The following DLC1 variants were observed in gnomAD, a reference collection of about 807,000 sequenced individuals.
DLC1 encodes rho GTPase-activating protein 7.
A neutral mutation model predicts 140.3 loss-of-function variants in DLC1; 54 were observed. That is an observed-to-expected ratio of 0.38 (90% confidence interval 0.31 to 0.48). The LOEUF (loss-of-function observed/expected upper bound fraction) is 0.48. DLC1 is among the 20% of genes least tolerant of loss of function. The probability of loss-of-function intolerance (pLI) is 0.96; values close to 1 mark genes in which losing one functional copy is unlikely to be tolerated. For missense variants in DLC1, 2,536 were observed against 1,907.0 expected (o/e 1.33, Z -6.14); for synonymous variants, 986 against 728.1 (o/e 1.35, Z -5.70).
chr8:13,315,789 C>A (rs910377987), intron 4 of DLC1, among the ~76,000 whole-genome samples: 4 of 152,156 alleles, frequency 2.6e-5, no homozygotes. Flanking sequence ...TCAGGTTTGC[C>A]TGGGATAATC....
chr8:13,330,147 T>A (rs1586149500), intron 4 of DLC1, among the ~76,000 whole-genome samples: 1 of 152,216 alleles, frequency 6.6e-6, no homozygotes, highest in African/African-American at 2.4e-5. Flanking sequence ...AATTTTTTTG[T>A]AGAGACAGAA....
chr8:13,372,043 T>G (rs1209967098), intron 4 of DLC1, among the ~76,000 whole-genome samples: 2 of 152,074 alleles, frequency 1.3e-5, no homozygotes, highest in Admixed American at 6.5e-5. Context: ...TTAAAATAGA[T>G]CGGGGCATCG....
chr8:13,580,001 C>T (rs1315123996), intron 1 of DLC1, among the ~76,000 whole-genome samples: 3 of 152,152 alleles, frequency 2.0e-5, no homozygotes, highest in Non-Finnish European at 4.4e-5. Context: ...GCTCCAGGCA[C>T]ATGAGTTAAT....
In DLC1 at chr8:13,319,588, G is replaced by GA. The variant is rs1833004485; in HGVS notation, c.1315-14287_1315-14286insT. Among the ~76,000 whole-genome samples, 4 of 108,130 alleles carry GA rather than the reference G, an allele frequency of 3.7e-5. No individual in the cohort carries two copies. In the Admixed American group the frequency reaches 3.9e-4, roughly 10 times the overall value. 70.9% of individuals were successfully genotyped at this position (108,130 alleles called of 152,430 possible). A position where few individuals can be genotyped will look rare whatever the true frequency, so the allele number is the denominator to read the frequency against. On this transcript the variant is annotated intron_variant, in intron 4 of 17. Transcript: ENST00000276297. ...TTTCCCCTCGCCCTCTTCCTCCAGCGCCAGCCATGTAGGATGCGCCTGTTT... is the reference window on the plus strand; with the variant it reads ...TTTCCCCTCGCCCTCTTCCTCCAGCGACCAGCCATGTAGGATGCGCCTGTTT...
At chr8:13,284,571 G>T (rs1256157385) in intron 5 of DLC1, among the ~76,000 whole-genome samples, 2 of 147,826 alleles carry the variant, frequency 1.4e-5, no homozygotes, top group South Asian at 2.2e-4. Context: ...ACAATAGAAA[G>T]CCCTGAAATT....
intron 5 of DLC1, among the ~76,000 whole-genome samples, chr8:13,300,137 A>G (rs935606447): frequency 2.0e-4 from 30 of 152,206 alleles, no homozygotes; most frequent in African/African-American, 5.3e-4. Flanking sequence ...TTGCAGGGAC[A>G]TGGATGAAGC....
Position 13,144,082 on chromosome 8 carries a change from G to A in DLC1, c.1349-28425C>T, listed in dbSNP as rs562373837. Among the ~76,000 whole-genome samples the A allele has an allele frequency of 3.3e-5, 5 of 152,244 alleles. No homozygotes were observed. In the East Asian group the frequency reaches 9.7e-4, roughly 29 times the overall value. On this transcript the variant is annotated intron_variant, in intron 5 of 17. Transcript: ENST00000276297. Reference sequence around the variant, plus strand: ...ATCATTTCTGGGTATCTTTATGAGGGTGGTTCTGAAAGAGACTTAGGACTG... The same window carrying A: ...ATCATTTCTGGGTATCTTTATGAGGATGGTTCTGAAAGAGACTTAGGACTG...
chr8:13,119,011 T>G (rs1820808775), intron 5 of DLC1, among the ~76,000 whole-genome samples: 1 of 152,038 alleles, frequency 6.6e-6, no homozygotes, highest in Non-Finnish European at 1.5e-5. Context: ...GGTGGACTGT[T>G]TGAGCCCAGG....
At chr8:13,255,140 C>G (rs1192010095) in intron 5 of DLC1, among the ~76,000 whole-genome samples, 1 of 152,036 alleles carries the variant, frequency 6.6e-6, no homozygotes, top group African/African-American at 2.4e-5. Context: ...CCACGCCCAG[C>G]TAACTTTTTA....
At chr8:13,188,491 T>C (rs548423933) in intron 5 of DLC1, among the ~76,000 whole-genome samples, 4 of 147,188 alleles carry the variant, frequency 2.7e-5, no homozygotes, top group African/African-American at 7.5e-5. Context: ...CTTTTGGGAG[T>C]TGAGAGGGAC....
chr8:13,444,036 T>C (rs1351206550), intron 2 of DLC1, among the ~76,000 whole-genome samples: 1 of 152,168 alleles, frequency 6.6e-6, no homozygotes, highest in Non-Finnish European at 1.5e-5. Flanking sequence ...TAAGTGAAAA[T>C]ATTCTTCTCA....
intron 4 of DLC1, among the ~76,000 whole-genome samples, chr8:13,369,752 C>T (rs1267664361): frequency 6.6e-6 from 1 of 152,030 alleles, no homozygotes; most frequent in Non-Finnish European, 1.5e-5. Flanking sequence ...TTGCCTCCTG[C>T]CTGGTCTCCT....
At chr8:13,179,081 C>A (rs116239636) in intron 5 of DLC1, among the ~76,000 whole-genome samples, 2,547 of 152,130 alleles carry the variant, frequency 0.017, 68 homozygotes, top group African/African-American at 0.058. Flanking sequence ...CAATAGAATG[C>A]TACAGAATGA....
At chr8:13,431,937 A>G (rs1248986826) in intron 2 of DLC1, among the ~76,000 whole-genome samples, 1 of 152,066 alleles carries the variant, frequency 6.6e-6, no homozygotes, top group East Asian at 1.9e-4. Context: ...AGAAAGAAAT[A>G]TTTTTCTACC....
intron 3 of DLC1, among the ~76,000 whole-genome samples, chr8:13,397,887 C>T (rs527307290): frequency 1.3e-5 from 2 of 152,166 alleles, no homozygotes; most frequent in Non-Finnish European, 2.9e-5. Flanking sequence ...AATCCCAGCA[C>T]TTCTGGAGGC....
At chr8:13,440,060 T>A (rs993019628) in intron 2 of DLC1, among the ~76,000 whole-genome samples, 2 of 152,174 alleles carry the variant, frequency 1.3e-5, no homozygotes, top group African/African-American at 4.8e-5. Flanking sequence ...GAAAAAGTCT[T>A]CTGGTCAAAT....
At chr8:13,511,835 T>G (rs986015849) in intron 1 of DLC1, among the ~76,000 whole-genome samples, 2 of 152,138 alleles carry the variant, frequency 1.3e-5, no homozygotes, top group African/African-American at 4.8e-5. Context: ...TTTATAACAC[T>G]GACATCACTC....
chr8:13,380,157 G>A (rs1485397580), intron 4 of DLC1, among the ~76,000 whole-genome samples: 1 of 152,138 alleles, frequency 6.6e-6, no homozygotes, highest in Non-Finnish European at 1.5e-5. Flanking sequence ...TAGAACTGAG[G>A]AAGGAATCAA....
At chr8:13,466,762 C>T (rs1181817963) in intron 2 of DLC1, among the ~76,000 whole-genome samples, 1 of 152,148 alleles carries the variant, frequency 6.6e-6, no homozygotes. Context: ...CACCAAAGTT[C>T]TATGTACATT....
Sources: allele counts gnomAD v4.1 joint callset (sites outside exome capture counted in the v4.1 genomes callset), GRCh38; gene constraint gnomAD v4.1.1; transcripts MANE v1.5; gene names NCBI Gene and HGNC (gene_info 2026-07-23, HGNC 2026-07-21).